Variants in NAP1L1 observed in about 807,000 individuals in gnomAD.
NAP1L1 encodes the protein nucleosome assembly protein 1-like 1.
Under a neutral mutation model 58.9 loss-of-function variants are expected in NAP1L1, and 9 were observed. That is an observed-to-expected ratio of 0.15 (90% CI 0.09 to 0.27). The LOEUF (loss-of-function observed/expected upper bound fraction) is 0.27. NAP1L1 is among the 10% of genes least tolerant of loss of function. NAP1L1 has a pLI of 1.00. For missense variants in NAP1L1, 302 were observed against 458.8 expected (o/e 0.66, Z 3.12); for synonymous variants, 130 against 138.3 (o/e 0.94, Z 0.42).
At position 76,042,621 on chromosome 12, in the gene NAP1L1, T is replaced by G. The variant is rs1205588015; in HGVS notation, c.*5808A>C. The G allele has an allele frequency of 6.6e-6, 1 of 152,232 alleles. No individual in the cohort carries two copies. The highest frequency in any genetic ancestry group is 6.5e-5 in the Admixed American group (1 of 15,282). 9.4% of individuals were successfully genotyped at this position (152,232 alleles called of 1,614,324 possible). ...AAATAATTACAAATACGGACGGCAG[T>G]AGCAGTAGGAAAAATAACATTGTTT... On this transcript the variant is annotated 3_prime_UTR_variant, in exon 15 of 15. Coordinates refer to ENST00000618691, the MANE Select transcript of NAP1L1 (RefSeq NM_004537.7).
chr12:76,067,493 T>A lies in NAP1L1; in HGVS notation c.104-20A>T. ...GACGTGCTTTAAAAAAAAAAGGGCATCGAAAGAAGGATTTTATGAAAATGT... is the reference window on the plus strand; with the variant it reads ...GACGTGCTTTAAAAAAAAAAGGGCAACGAAAGAAGGATTTTATGAAAATGT... On this transcript the variant is annotated intron_variant, in intron 3 of 14. Transcript: ENST00000618691. 3 of 1,535,540 alleles carry A rather than the reference T, an allele frequency of 2.0e-6. No individual in the cohort carries two copies. The highest frequency in any genetic ancestry group is 2.7e-6 in the Non-Finnish European group (3 of 1,123,088).
intron 1 of NAP1L1, among the ~76,000 whole-genome samples, chr12:76,075,317 A>T (rs1442177520): frequency 1.3e-5 from 2 of 152,192 alleles, no homozygotes; most frequent in Non-Finnish European, 2.9e-5. Flanking sequence ...TCTCTAAAAA[A>T]ATTATGAATA....
At chr12:76,082,191 A>T (rs1012748258) in intron 1 of NAP1L1, among the ~76,000 whole-genome samples, 1 of 152,234 alleles carries the variant, frequency 6.6e-6, no homozygotes, top group Non-Finnish European at 1.5e-5. Context: ...ACATCTTCAG[A>T]CCTTTGAAGT....
chr12:76,058,455 C>T (rs560799411), intron 6 of NAP1L1, among the ~76,000 whole-genome samples: 1 of 149,468 alleles, frequency 6.7e-6, no homozygotes, highest in East Asian at 2.0e-4. Context: ...GGTGCGATCT[C>T]GGCTCACTGC....
At chr12:76,057,340 G>A (rs1949157909) in intron 6 of NAP1L1, 1 of 363,952 alleles carries the variant, frequency 2.7e-6, no homozygotes, top group African/African-American at 2.1e-5. Context: ...TTTGAGTACA[G>A]ATGGTGGTGC....
rs997094620 is a variant in NAP1L1, at chr12:76,054,692, C to A, written c.630+327G>T. On this transcript the variant is annotated intron_variant, in intron 8 of 14. Transcript: ENST00000618691. ...TGGACAGCTTGTTGGCTGATCTTTC[C>A]TCATTAGGGAGTGGGCATCCTCTAA... 2.0e-5 allele frequency among the ~76,000 whole-genome samples: 3 copies of A among 152,256 alleles called. No homozygotes were observed. The East Asian group carries it at 5.8e-4, about 29-fold the overall frequency.
At position 76,047,981 on chromosome 12, in the gene NAP1L1, CTTAG is replaced by C. The variant is rs1329640898; in HGVS notation, c.*444_*447del. 1 of 155,892 alleles carries C rather than the reference CTTAG, an allele frequency of 6.4e-6. No individual in the cohort carries two copies. Among genetic ancestry groups the C allele is most frequent in the Non-Finnish European group, 1.4e-5 (1 of 70,900 alleles). 9.7% of individuals were successfully genotyped at this position (155,892 alleles called of 1,614,324 possible). On this transcript the variant is annotated 3_prime_UTR_variant, in exon 15 of 15. Transcript: ENST00000618691. ...ATTTTTTTTTTAAACAATAAATTGT[CTTAG>C]TATAAGTCACTGCATTTCTGTAACA... is the stretch of plus-strand genomic sequence containing the variant.
chr12:76,049,091 A>T lies in NAP1L1; in HGVS notation c.1140+109T>A. On this transcript the variant is annotated intron_variant, in intron 14 of 14. Coordinates refer to ENST00000618691, the MANE Select transcript of NAP1L1 (RefSeq NM_004537.7). ...GAAAAAACAAAGTTATCCAGTCAATAGGCTTTATTTATTAAAGACTTTAAC... is the reference window on the plus strand; with the variant it reads ...GAAAAAACAAAGTTATCCAGTCAATTGGCTTTATTTATTAAAGACTTTAAC... The T allele has an allele frequency of 2.7e-6, 3 of 1,098,122 alleles. No homozygotes were observed. In the South Asian group the frequency reaches 4.0e-5, roughly 15 times the overall value. The allele number at this position is 1,098,122 out of a possible 1,614,324, so 68.0% of individuals were successfully genotyped here.
Position 76,048,355 on chromosome 12 carries a change from A to G in NAP1L1, c.*74T>C. On this transcript the variant is annotated 3_prime_UTR_variant, in exon 15 of 15. Coordinates refer to ENST00000618691, the MANE Select transcript of NAP1L1 (RefSeq NM_004537.7). ...TCTACCAAGAAAATACAAAAACATA[A>G]GGCTGTAAGTAAATAAGAGTTGTGT... 6.6e-7 allele frequency: 1 copy of G among 1,525,328 alleles called. No individual in the cohort carries two copies. The highest frequency in any genetic ancestry group is 9.0e-7 in the Non-Finnish European group (1 of 1,114,878). 94.5% of individuals were successfully genotyped at this position (1,525,328 alleles called of 1,614,324 possible).
chr12:76,071,469 TTTTTG>T (rs1431915588), intron 2 of NAP1L1, among the ~76,000 whole-genome samples: 1 of 152,224 alleles, frequency 6.6e-6, no homozygotes, highest in Non-Finnish European at 1.5e-5. Flanking sequence ...ATAAAGGGTT[TTTTTG>T]TTTTGTTTTG....
rs755672638 is a variant in NAP1L1 at position 76,040,025 on chromosome 12, A to C, written c.*8404T>G. 6.6e-6 allele frequency: 1 copy of C among 152,192 alleles called. No individual in the cohort carries two copies. Among genetic ancestry groups the C allele is most frequent in the Non-Finnish European group, 1.5e-5 (1 of 68,030 alleles). The allele number at this position is 152,192 out of a possible 1,614,324, so 9.4% of individuals were successfully genotyped here. A position where few individuals can be genotyped will look rare whatever the true frequency, so the allele number is the denominator to read the frequency against. ...GAGGTTCCTTTACTAATCAAGCTTG[A>C]CATTTTTGTCTGAGGGAGTTCACTA... On this transcript the variant is annotated 3_prime_UTR_variant, in exon 15 of 15. Transcript: ENST00000618691.
chr12:76,057,797 C>G, intron 6 of NAP1L1: 1 of 1,551,270 alleles, frequency 6.4e-7, no homozygotes, highest in Non-Finnish European at 8.7e-7. Flanking sequence ...CAAGGAACAG[C>G]AGGGGAAGAA....
chr12:76,051,002 G>GAAAAAAA (rs57970257), intron 11 of NAP1L1, among the ~76,000 whole-genome samples: 1 of 83,744 alleles, frequency 1.2e-5, no homozygotes, highest in Non-Finnish European at 2.5e-5. Flanking sequence ...CTGGGCAACC[G>GAAAAAAA]AAAAAAAAAA....
At chr12:76,081,337 C>T (rs1461132387) in intron 1 of NAP1L1, among the ~76,000 whole-genome samples, 1 of 152,132 alleles carries the variant, frequency 6.6e-6, no homozygotes. Flanking sequence ...ATAATACACA[C>T]AGAATTTAAA....
rs1181437183 is a variant in NAP1L1 at position 76,044,840 on chromosome 12, G to A, written c.*3589C>T. Reference sequence around the variant, plus strand: ...AATAATTTCATATACCAACAAGGATGTTTCCATTTCTGTAAAGTCATGTAA... The same window carrying A: ...AATAATTTCATATACCAACAAGGATATTTCCATTTCTGTAAAGTCATGTAA... On this transcript the variant is annotated 3_prime_UTR_variant, in exon 15 of 15. Coordinates refer to ENST00000618691, the MANE Select transcript of NAP1L1 (RefSeq NM_004537.7). 6.6e-6 allele frequency: 1 copy of A among 152,116 alleles called. No individual in the cohort carries two copies. Among genetic ancestry groups the A allele is most frequent in the Non-Finnish European group, 1.5e-5 (1 of 68,004 alleles). 9.4% of individuals were successfully genotyped at this position (152,116 alleles called of 1,614,324 possible). A position where few individuals can be genotyped will look rare whatever the true frequency, so the allele number is the denominator to read the frequency against.
At chr12:76,064,562 G>A (rs1043147337) in intron 4 of NAP1L1, among the ~76,000 whole-genome samples, 1 of 152,000 alleles carries the variant, frequency 6.6e-6, no homozygotes, top group Non-Finnish European at 1.5e-5. Flanking sequence ...GATAACAGCA[G>A]CAGTAACAAA....
intron 1 of NAP1L1, among the ~76,000 whole-genome samples, chr12:76,079,179 T>C (rs964295168): frequency 6.6e-6 from 1 of 152,156 alleles, no homozygotes; most frequent in African/African-American, 2.4e-5. Context: ...CCTCAATATG[T>C]TGAAAATAAC....
rs1948531533 is a variant in NAP1L1 at position 76,039,599 on chromosome 12, C to T, written c.*8830G>A. The T allele has an allele frequency of 6.6e-6, 1 of 152,168 alleles. No homozygotes were observed. 9.4% of individuals were successfully genotyped at this position (152,168 alleles called of 1,614,324 possible). On this transcript the variant is annotated 3_prime_UTR_variant, in exon 15 of 15. Transcript: ENST00000618691. ...ATTAACTCTGGTCTCTAAAATATTT[C>T]ATCTCTGAAAGCTCTAGCCTAAAGA... is the stretch of plus-strand genomic sequence containing the variant.
intron 4 of NAP1L1, 52 bp from the exon 5 acceptor site, chr12:76,060,331 C>T: frequency 6.4e-7 from 1 of 1,557,714 alleles, no homozygotes; most frequent in Non-Finnish European, 8.7e-7. Context: ...GGAAGTCACA[C>T]TTCTTTTGTC....
Sources: allele counts gnomAD v4.1 joint callset (sites outside exome capture counted in the v4.1 genomes callset), GRCh38; gene constraint gnomAD v4.1.1; transcripts MANE v1.5; gene names NCBI Gene and HGNC (gene_info 2026-07-23, HGNC 2026-07-21).